LDAH: variants seen among roughly 807,000 people sequenced by gnomAD.
LDAH encodes lipid droplet-associated hydrolase.
Under a neutral mutation model 29.6 loss-of-function variants are expected in LDAH, and 26 were observed. The observed-to-expected ratio is 0.88, with a 90% CI of 0.64 to 1.22. LDAH has a LOEUF of 1.22. Ranked by LOEUF, LDAH falls within the 50% of genes most tolerant of loss-of-function variation. LDAH has a pLI of 0.00. For missense variants in LDAH, 344 were observed against 387.3 expected, an observed-to-expected ratio of 0.89 and a Z score of 0.94; for synonymous variants, 117 against 133.0, an observed-to-expected ratio of 0.88 and a Z score of 0.83.
rs550484482 is a variant in LDAH, at chr2:20,820,164, A to G, written c.-3+2873T>C. Among the ~76,000 whole-genome samples, 14 of 152,248 alleles carry G rather than the reference A, an allele frequency of 9.2e-5. 1 individual carries two copies. In the East Asian group the frequency reaches 1.7e-3, roughly 19 times the overall value. ...TCCATGCTCATGGATAGGAAGAATC[A>G]ATATTGTGAAAATGGCCATACTGCC... On this transcript the variant is annotated intron_variant, in intron 1 of 6. Coordinates refer to ENST00000237822, the MANE Select transcript of LDAH (RefSeq NM_021925.4).
Position 20,688,132 on chromosome 2 carries a change from G to C in LDAH, c.787-1038C>G, listed in dbSNP as rs56365624. On this transcript the variant is annotated intron_variant, in intron 6 of 6. Transcript: ENST00000237822. ...GGAAAATAGAGATAAGACAGTCTTG[G>C]GGGGAGGGGAGAAGGGGACCCCATG... Among the ~76,000 whole-genome samples, 13 of 152,238 alleles carry C rather than the reference G, an allele frequency of 8.5e-5. No homozygotes were observed. In the East Asian group the frequency reaches 1.9e-3, roughly 23 times the overall value.
chr2:20,771,636 G>A (rs1276304795), intron 4 of LDAH, among the ~76,000 whole-genome samples: 1 of 152,128 alleles, frequency 6.6e-6, no homozygotes, highest in Non-Finnish European at 1.5e-5. Flanking sequence ...TTTAATGGGG[G>A]CTGGGGATGG....
chr2:20,740,257 A>G, intron 4 of LDAH, 52 bp from the exon 5 acceptor site: 1 of 1,199,762 alleles, frequency 8.3e-7, no homozygotes, highest in Non-Finnish European at 1.2e-6. Flanking sequence ...GGATAGGTCC[A>G]TTACTTATTG....
intron 1 of LDAH, among the ~76,000 whole-genome samples, chr2:20,816,313 A>G (rs1224406422): frequency 6.6e-6 from 1 of 152,122 alleles, no homozygotes; most frequent in Non-Finnish European, 1.5e-5. Flanking sequence ...TAACTATACT[A>G]GTTAAAAGAC....
chr2:20,694,718 C>T (rs1021585526), intron 6 of LDAH, among the ~76,000 whole-genome samples: 3 of 152,300 alleles, frequency 2.0e-5, no homozygotes, highest in African/African-American at 7.2e-5. Flanking sequence ...GGAATGGGAG[C>T]GCCAAAGGAG....
At chr2:20,784,121 T>C (rs773236370) in intron 3 of LDAH, among the ~76,000 whole-genome samples, 6 of 152,214 alleles carry the variant, frequency 3.9e-5, no homozygotes, top group Non-Finnish European at 8.8e-5. Flanking sequence ...AAGTGATTAC[T>C]GAGGCTGGGC....
intron 2 of LDAH, among the ~76,000 whole-genome samples, chr2:20,800,268 A>G (rs890986292): frequency 2.2e-4 from 33 of 152,376 alleles, no homozygotes; most frequent in Non-Finnish European, 2.4e-4. Context: ...GCCACATAAC[A>G]AAGATACTTT....
rs2149317462 is a variant in LDAH, at chr2:20,685,343, T to C, written c.*1560A>G. On this transcript the variant is annotated 3_prime_UTR_variant, in exon 7 of 7. Transcript: ENST00000237822. ...GGCGCTCAGAGCCATGATTCCTAGC[T>C]TCTAACATCCGATTTCTAGGCCTCT... is the stretch of plus-strand genomic sequence containing the variant. The C allele has an allele frequency of 1.6e-6, 1 of 627,660 alleles. No homozygotes were observed. The highest frequency in any genetic ancestry group is 2.9e-5 in the East Asian group (1 of 34,146). 38.9% of individuals were successfully genotyped at this position (627,660 alleles called of 1,614,324 possible).
chr2:20,818,930 CT>C (rs1673052143), intron 1 of LDAH, among the ~76,000 whole-genome samples: 1 of 152,118 alleles, frequency 6.6e-6, no homozygotes, highest in Admixed American at 6.6e-5. Flanking sequence ...CACAATTCTT[CT>C]TTTAATGACT....
At chr2:20,682,923 G>A (rs1319155043), downstream of LDAH, among the ~76,000 whole-genome samples, 1 of 152,206 alleles carries the variant, frequency 6.6e-6, no homozygotes, top group Non-Finnish European at 1.5e-5. Flanking sequence ...CACTGTGAAG[G>A]TGCTGGGGTG....
intron 2 of LDAH, among the ~76,000 whole-genome samples, chr2:20,793,804 T>C (rs909672188): frequency 6.6e-6 from 1 of 152,106 alleles, no homozygotes; most frequent in African/African-American, 2.4e-5. Flanking sequence ...ACTATCAAAG[T>C]TCACTCAAGA....
At chr2:20,794,935 A>C (rs187630363) in intron 2 of LDAH, among the ~76,000 whole-genome samples, 1 of 152,342 alleles carries the variant, frequency 6.6e-6, no homozygotes, top group Non-Finnish European at 1.5e-5. Context: ...ATACCATTGC[A>C]TACAGTACTT....
rs781063419 is a variant in LDAH at position 20,801,303 on chromosome 2, C to T, written c.154+7G>A. On this transcript the variant is annotated splice_region_variant and intron_variant, in intron 2 of 6. Transcript: ENST00000237822. ...AAAAGTCTCCTCACCCAGACTTTTA[C>T]GCTCACCAGGAATAATGAAAATAAG... 8.7e-6 allele frequency: 14 copies of T among 1,610,930 alleles called. No homozygotes were observed. The highest frequency in any genetic ancestry group is 3.4e-5 in the Admixed American group (2 of 59,424).
intron 4 of LDAH, among the ~76,000 whole-genome samples, chr2:20,751,902 T>C (rs1221192182): frequency 6.6e-6 from 1 of 152,070 alleles, no homozygotes; most frequent in African/African-American, 2.4e-5. Flanking sequence ...ATTTATTTAG[T>C]TTTATAGAGA....
In LDAH at chr2:20,733,421, A is replaced by C. The variant is rs1338802066; in HGVS notation, c.703+6550T>G. ...TATTTTTTTTTTTTTTTTTTTTGAG[A>C]CAGGATCTTACTTCGTCTCCCAGGC... On this transcript the variant is annotated intron_variant, in intron 5 of 6. Transcript: ENST00000237822. Among the ~76,000 whole-genome samples the C allele has an allele frequency of 3.1e-5, 4 of 130,168 alleles. No individual in the cohort carries two copies. In the East Asian group the frequency reaches 6.7e-4, roughly 22 times the overall value. The allele number at this position is 130,168 out of a possible 152,430, so 85.4% of individuals were successfully genotyped here.
intron 6 of LDAH, among the ~76,000 whole-genome samples, chr2:20,697,387 A>G (rs1219959708): frequency 1.3e-5 from 2 of 152,166 alleles, no homozygotes; most frequent in Non-Finnish European, 2.9e-5. Context: ...TCCCCAACTC[A>G]TATTTCATCC....
At chr2:20,750,505 C>G (rs1266119151) in intron 4 of LDAH, among the ~76,000 whole-genome samples, 2 of 152,212 alleles carry the variant, frequency 1.3e-5, no homozygotes, top group Non-Finnish European at 2.9e-5. Flanking sequence ...ATCATATACT[C>G]TGTGTTAGTC....
In LDAH at chr2:20,685,049, G is replaced by C. The variant is rs954856196; in HGVS notation, c.*1854C>G. Reference sequence around the variant, plus strand: ...CCAACACAGAGATCAGGCCAGACCAGGTCAGAAATGCTGGTAAAACATTTA... The same window carrying C: ...CCAACACAGAGATCAGGCCAGACCACGTCAGAAATGCTGGTAAAACATTTA... On this transcript the variant is annotated 3_prime_UTR_variant, in exon 7 of 7. Transcript: ENST00000237822. The C allele has an allele frequency of 1.7e-6, 2 of 1,150,028 alleles. No homozygotes were observed. The highest frequency in any genetic ancestry group is 3.2e-5 in the African/African-American group (2 of 62,874). 71.2% of individuals were successfully genotyped at this position (1,150,028 alleles called of 1,614,324 possible). A position where few individuals can be genotyped will look rare whatever the true frequency, so the allele number is the denominator to read the frequency against.
rs1013490376 is a variant in LDAH, at chr2:20,695,638, C to T, written c.786+5932G>A. 5.3e-5 allele frequency among the ~76,000 whole-genome samples: 8 copies of T among 151,870 alleles called. No individual in the cohort carries two copies. The East Asian group carries it at 5.8e-4, about 11-fold the overall frequency. Reference sequence around the variant, plus strand: ...CTAATATTTGTATTTTTAGTGGAGACGGGGTTTCACCATGTTGGCCAGGCT... The same window carrying T: ...CTAATATTTGTATTTTTAGTGGAGATGGGGTTTCACCATGTTGGCCAGGCT... On this transcript the variant is annotated intron_variant, in intron 6 of 6. Coordinates refer to ENST00000237822, the MANE Select transcript of LDAH (RefSeq NM_021925.4).
Sources: allele counts gnomAD v4.1 joint callset (sites outside exome capture counted in the v4.1 genomes callset), GRCh38; gene constraint gnomAD v4.1.1; transcripts MANE v1.5; gene names NCBI Gene and HGNC (gene_info 2026-07-23, HGNC 2026-07-21).